The following ZFP3 variants were observed in gnomAD, a reference collection of about 807,000 sequenced individuals.
ZFP3 encodes the protein zinc finger protein 3 homolog.
Under a neutral mutation model 36.7 loss-of-function variants are expected in ZFP3, and 18 were observed. The observed-to-expected ratio is 0.49, with a 90% CI of 0.34 to 0.73. The LOEUF is 0.73. Among genes scored for constraint, ZFP3 ranks in the 30% least tolerant of loss-of-function variants. The pLI is 0.01. For missense variants in ZFP3, 495 were observed against 599.0 expected, an observed-to-expected ratio of 0.83 and a Z score of 1.81; for synonymous variants, 218 against 199.0, an observed-to-expected ratio of 1.10 and a Z score of -0.81.
At chr17:5,083,488 T>G (rs1597903566) in intron 1 of ZFP3, among the ~76,000 whole-genome samples, 1 of 146,210 alleles carries the variant, frequency 6.8e-6, no homozygotes, top group African/African-American at 2.5e-5. Context: ...ACCCGGAAGG[T>G]GGAGCCAGGA....
rs2072170314 is a variant in ZFP3 at position 5,094,609 on chromosome 17, C to G, written c.*1596C>G. The G allele has an allele frequency of 6.0e-6, 1 of 167,084 alleles. No homozygotes were observed. Among genetic ancestry groups the G allele is most frequent in the African/African-American group, 2.4e-5 (1 of 41,450 alleles). The allele number at this position is 167,084 out of a possible 1,614,324, so 10.4% of individuals were successfully genotyped here. ...AACTAAGTGATCTCAAAAGTTTCAA[C>G]CAGCCCGATAATTCCTTAATTCTTT... On this transcript the variant is annotated 3_prime_UTR_variant, in exon 2 of 2. Coordinates refer to ENST00000318833, the MANE Select transcript of ZFP3 (RefSeq NM_153018.3).
rs2072174953 is a variant in ZFP3, at chr17:5,095,314, AG to A, written c.*2302del. 1 of 167,040 alleles carries A rather than the reference AG, an allele frequency of 6.0e-6. No individual in the cohort carries two copies. The allele number at this position is 167,040 out of a possible 1,614,324, so 10.3% of individuals were successfully genotyped here. On this transcript the variant is annotated 3_prime_UTR_variant, in exon 2 of 2. Transcript: ENST00000318833. ...TAGCAGTCACACTCTTAGTAAGGGAAGTTGTTTGATTTACTTCTTCCCTTAG... is the reference window on the plus strand; with the variant it reads ...TAGCAGTCACACTCTTAGTAAGGGAATTGTTTGATTTACTTCTTCCCTTAG...
intron 1 of ZFP3, among the ~76,000 whole-genome samples, chr17:5,090,301 A>C (rs561422527): frequency 3.9e-5 from 6 of 152,366 alleles, no homozygotes; most frequent in African/African-American, 1.4e-4. Context: ...ATTAGAGAAG[A>C]CAAGGATCAG....
chr17:5,085,511 A>G (rs1364408676), intron 1 of ZFP3, among the ~76,000 whole-genome samples: 4 of 151,930 alleles, frequency 2.6e-5, no homozygotes, highest in Non-Finnish European at 5.9e-5. Context: ...TGGGACTACA[A>G]GCGCCCGCCA....
In ZFP3 at chr17:5,091,885, A is replaced by G; in HGVS notation, c.381A>G (p.Glu127=). The G allele has an allele frequency of 6.2e-7, 1 of 1,614,244 alleles. No homozygotes were observed. Among genetic ancestry groups the G allele is most frequent in the Non-Finnish European group, 8.5e-7 (1 of 1,180,048 alleles). Residue 127 remains glutamate, a synonymous_variant, in exon 2 of 2, where the codon GAA becomes GAG. Coordinates refer to ENST00000318833, the MANE Select transcript of ZFP3 (RefSeq NM_153018.3). ...TSGQNFLEIL[E]SNKTQRSSVG... ...GCCAAAACTTCCTAGAGATTTTAGA[A>G]TCTAACAAAACACAGAGAAGTTCTG...
intron 1 of ZFP3, among the ~76,000 whole-genome samples, chr17:5,083,856 CT>C (rs1403632665): frequency 1.6e-5 from 1 of 64,304 alleles, no homozygotes; most frequent in Non-Finnish European, 5.7e-5. Context: ...ATTTTCTTTT[CT>C]TTTCTTTTCT....
In ZFP3 at chr17:5,095,382, T is replaced by C. The variant is rs2072175403; in HGVS notation, c.*2369T>C. Reference sequence around the variant, plus strand: ...GTGCGCCGTCTTATTCCTTTTTCATTGCTGGAGCACAAATTGAATTGTGCC... The same window carrying C: ...GTGCGCCGTCTTATTCCTTTTTCATCGCTGGAGCACAAATTGAATTGTGCC... On this transcript the variant is annotated 3_prime_UTR_variant, in exon 2 of 2. Transcript: ENST00000318833. The C allele has an allele frequency of 1.2e-5, 2 of 167,092 alleles. No homozygotes were observed. The highest frequency in any genetic ancestry group is 2.9e-5 in the Non-Finnish European group (2 of 68,114). 10.4% of individuals were successfully genotyped at this position (167,092 alleles called of 1,614,324 possible). A position where few individuals can be genotyped will look rare whatever the true frequency, so the allele number is the denominator to read the frequency against.
chr17:5,080,382 A>G (rs2072087188), intron 1 of ZFP3, among the ~76,000 whole-genome samples: 1 of 152,172 alleles, frequency 6.6e-6, no homozygotes, highest in Non-Finnish European at 1.5e-5. Context: ...ACTCAGTTGG[A>G]GTGTCCTGCT....
In ZFP3 at chr17:5,093,292, C is replaced by T. The variant is rs2072161130; in HGVS notation, c.*279C>T. The T allele has an allele frequency of 2.9e-6, 1 of 345,006 alleles. No homozygotes were observed. The highest frequency in any genetic ancestry group is 2.1e-5 in the African/African-American group (1 of 46,662). 21.4% of individuals were successfully genotyped at this position (345,006 alleles called of 1,614,324 possible). On this transcript the variant is annotated 3_prime_UTR_variant, in exon 2 of 2. Transcript: ENST00000318833. ...TCCTGGGCTCAAACAGTCCTCCTGC[C>T]TCAGCCTTCCAAATAGCTAGGACTG...
Position 5,094,256 on chromosome 17 carries a change from T to G in ZFP3, c.*1243T>G, listed in dbSNP as rs2072167466. 2 of 167,126 alleles carry G rather than the reference T, an allele frequency of 1.2e-5. No homozygotes were observed. Among genetic ancestry groups the G allele is most frequent in the African/African-American group, 2.4e-5 (1 of 41,482 alleles). The allele number at this position is 167,126 out of a possible 1,614,324, so 10.4% of individuals were successfully genotyped here. On this transcript the variant is annotated 3_prime_UTR_variant, in exon 2 of 2. Transcript: ENST00000318833. ...AAATAGAGATAAAGTCTTGCTATGTTGCCCAGGCTGGTCTTGAATGCCTGG... is the reference window on the plus strand; with the variant it reads ...AAATAGAGATAAAGTCTTGCTATGTGGCCCAGGCTGGTCTTGAATGCCTGG...
chr17:5,081,936 G>T (rs1481250102), intron 1 of ZFP3, among the ~76,000 whole-genome samples: 3 of 146,202 alleles, frequency 2.1e-5, no homozygotes, highest in Non-Finnish European at 4.5e-5. Flanking sequence ...CACCGGCCAG[G>T]CATGGTGGCT....
At position 5,096,293 on chromosome 17, in the gene ZFP3, G is replaced by A. The variant is rs984010156; in HGVS notation, c.*3280G>A. The A allele has an allele frequency of 1.2e-5, 2 of 167,002 alleles. No individual in the cohort carries two copies. The highest frequency in any genetic ancestry group is 4.8e-5 in the African/African-American group (2 of 41,432). The allele number at this position is 167,002 out of a possible 1,614,324, so 10.3% of individuals were successfully genotyped here. On this transcript the variant is annotated 3_prime_UTR_variant, in exon 2 of 2. Coordinates refer to ENST00000318833, the MANE Select transcript of ZFP3 (RefSeq NM_153018.3). ...TCAGAATTTTTGAAGCTATGCCCAT[G>A]TACAAAATTTTCTTCCTTCCCTAAT...
In ZFP3 at chr17:5,093,024, A is replaced by C; in HGVS notation, c.*11A>C. 1 of 1,543,998 alleles carries C rather than the reference A, an allele frequency of 6.5e-7. No homozygotes were observed. Among genetic ancestry groups the C allele is most frequent in the Non-Finnish European group, 8.7e-7 (1 of 1,148,714 alleles). The stretch of plus-strand genomic sequence containing the variant: ...CACTGTATGGAGTAATCTGCAAAAT[A>C]GGAAAGCTTTTAGTGGAAAAGCTAA... On this transcript the variant is annotated 3_prime_UTR_variant, in exon 2 of 2. Coordinates refer to ENST00000318833, the MANE Select transcript of ZFP3 (RefSeq NM_153018.3).
intron 1 of ZFP3, among the ~76,000 whole-genome samples, chr17:5,090,983 A>G (rs1004923190): frequency 1.3e-5 from 2 of 152,010 alleles, no homozygotes; most frequent in African/African-American, 4.8e-5. Context: ...CCTTCTTTCA[A>G]TATTTATCGT....
rs1313027178 is a variant in ZFP3 at position 5,095,292 on chromosome 17, C to G, written c.*2279C>G. On this transcript the variant is annotated 3_prime_UTR_variant, in exon 2 of 2. Transcript: ENST00000318833. ...TCCTTCCAGATACCTCTGCCTCTAG[C>G]AGTCACACTCTTAGTAAGGGAAGTT... 1.8e-5 allele frequency: 3 copies of G among 167,048 alleles called. No individual in the cohort carries two copies. In the East Asian group the frequency reaches 5.8e-4, roughly 32 times the overall value. 10.3% of individuals were successfully genotyped at this position (167,048 alleles called of 1,614,324 possible).
At chr17:5,087,105 G>C (rs2072125791) in intron 1 of ZFP3, among the ~76,000 whole-genome samples, 2 of 121,346 alleles carry the variant, frequency 1.6e-5, no homozygotes, top group East Asian at 5.2e-4. Flanking sequence ...TTTTGAGACA[G>C]AGTCTCACTC....
intron 1 of ZFP3, among the ~76,000 whole-genome samples, chr17:5,081,685 T>C (rs2072094194): frequency 6.6e-6 from 1 of 151,428 alleles, no homozygotes; most frequent in Non-Finnish European, 1.5e-5. Context: ...CACTGCAAGC[T>C]CTGCCTCCCG....
chr17:5,095,242 AATAG>A lies in ZFP3; in HGVS notation c.*2232_*2235del, dbSNP rs1317094161. The A allele has an allele frequency of 1.2e-5, 2 of 167,096 alleles. No homozygotes were observed. Among genetic ancestry groups the A allele is most frequent in the African/African-American group, 4.8e-5 (2 of 41,446 alleles). 10.4% of individuals were successfully genotyped at this position (167,096 alleles called of 1,614,324 possible). A position where few individuals can be genotyped will look rare whatever the true frequency, so the allele number is the denominator to read the frequency against. ...CTTGGCTTGAGAAAAGGGTTGTACA[AATAG>A]ATGATTGCAGAGTTTCCACATCCTT... is the stretch of plus-strand genomic sequence containing the variant. On this transcript the variant is annotated 3_prime_UTR_variant, in exon 2 of 2. Transcript: ENST00000318833.
chr17:5,092,570 A>C lies in ZFP3; in HGVS notation c.1066A>C (p.Ile356Leu), dbSNP rs778810543. The C allele has an allele frequency of 6.2e-7, 1 of 1,614,062 alleles. No individual in the cohort carries two copies. Among genetic ancestry groups the C allele is most frequent in the Non-Finnish European group, 8.5e-7 (1 of 1,180,008 alleles). Residue 356 changes from isoleucine (I) to leucine (L), a missense_variant, in exon 2 of 2, where the codon ATT becomes CTT. This residue lies in a region of ZFP3 where 163 missense variants were observed against 178.4 expected (regional missense o/e 0.91). Coordinates refer to ENST00000318833, the MANE Select transcript of ZFP3 (RefSeq NM_153018.3). This position sits in a 1 kb window ranked among gnomAD's most constrained non-coding sequence, Gnocchi z 5.0. Reference sequence around the variant, plus strand: ...CCAGAACTCAGAGATTATTAGACATATTAGAATTCATACTGGTGAGAAGCC... The same window carrying C: ...CCAGAACTCAGAGATTATTAGACATCTTAGAATTCATACTGGTGAGAAGCC... Reference protein sequence around the residue: ...FGQNSEIIRHIRIHTGEKPYV... With the variant: ...FGQNSEIIRHLRIHTGEKPYV...
Sources: allele counts gnomAD v4.1 joint callset (sites outside exome capture counted in the v4.1 genomes callset), GRCh38; gene constraint gnomAD v4.1.1; regional missense constraint gnomAD v4.1.1; non-coding constraint Gnocchi (gnomAD v3.1); transcripts MANE v1.5; gene names NCBI Gene and HGNC (gene_info 2026-07-23, HGNC 2026-07-21).